MGLL: variants seen among roughly 807,000 people sequenced by gnomAD.
MGLL encodes lysophospholipase homolog.
Under a neutral mutation model 29.1 loss-of-function variants are expected in MGLL, and 7 were observed. The ratio of observed to expected loss-of-function variants is 0.24; its 90% CI spans 0.14 to 0.45. The LOEUF (loss-of-function observed/expected upper bound fraction) is 0.45. Among genes scored for constraint, MGLL ranks in the 20% least tolerant of loss-of-function variants. The pLI, the probability that MGLL is intolerant of heterozygous loss-of-function variation, is 0.99. For missense variants in MGLL, 356 were observed against 413.6 expected (o/e 0.86, Z 1.21); for synonymous variants, 148 against 168.3 (o/e 0.88, Z 0.93).
chr3:127,762,974 C>T (rs895152276), intron 3 of MGLL, among the ~76,000 whole-genome samples: 5 of 152,160 alleles, frequency 3.3e-5, no homozygotes, highest in African/African-American at 1.2e-4. Context: ...ACTCTGCCTT[C>T]CCCCCATGGC....
At chr3:127,735,619 AC>A in intron 3 of MGLL, 2 of 1,370,522 alleles carry the variant, frequency 1.5e-6, no homozygotes, top group Non-Finnish European at 2.0e-6. Flanking sequence ...AGAATGAAAC[AC>A]AAATTCCAAG....
chr3:127,714,462 A>C (rs2075777235), intron 5 of MGLL, among the ~76,000 whole-genome samples: 1 of 152,232 alleles, frequency 6.6e-6, no homozygotes, highest in Non-Finnish European at 1.5e-5. Context: ...AATGTGCCTA[A>C]GAGGACAAGC....
intron 2 of MGLL, chr3:127,791,337 T>C (rs1463557388): frequency 1.3e-5 from 2 of 152,326 alleles, no homozygotes; most frequent in Admixed American, 6.5e-5. Context: ...TTCTCACTTC[T>C]TGTTTGTCTT....
At chr3:127,813,357 C>T (rs1576321343) in intron 2 of MGLL, among the ~76,000 whole-genome samples, 2 of 152,250 alleles carry the variant, frequency 1.3e-5, no homozygotes. Context: ...TTCTGAGGTC[C>T]ATCTGCACTT....
intron 3 of MGLL, among the ~76,000 whole-genome samples, chr3:127,751,001 G>GT (rs1329609974): frequency 6.6e-6 from 1 of 152,176 alleles, no homozygotes; most frequent in East Asian, 1.9e-4. Context: ...GGGACCAGAG[G>GT]TGAGGATCAC....
At chr3:127,794,335 C>T (rs2077347886) in intron 2 of MGLL, among the ~76,000 whole-genome samples, 2 of 152,014 alleles carry the variant, frequency 1.3e-5, no homozygotes, top group Non-Finnish European at 1.5e-5. Flanking sequence ...ATCCCAGCTA[C>T]TAAGGAGGCT....
intron 3 of MGLL, among the ~76,000 whole-genome samples, chr3:127,736,575 C>T (rs1323236446): frequency 2.0e-5 from 3 of 152,234 alleles, no homozygotes; most frequent in Non-Finnish European, 4.4e-5. Flanking sequence ...AATTTGAATT[C>T]AGCTAAGATG....
chr3:127,721,466 C>A (rs1286915045), intron 4 of MGLL, among the ~76,000 whole-genome samples: 1 of 143,178 alleles, frequency 7.0e-6, no homozygotes, highest in African/African-American at 2.6e-5. Flanking sequence ...CCAAAGCTGG[C>A]AAAACCCCAA....
chr3:127,718,814 T>C (rs954135871), intron 5 of MGLL, among the ~76,000 whole-genome samples: 1 of 151,716 alleles, frequency 6.6e-6, no homozygotes, highest in African/African-American at 2.4e-5. Context: ...TTTTGAACCA[T>C]AGAAATGTCT....
chr3:127,740,906 C>T (rs529379735), intron 3 of MGLL, among the ~76,000 whole-genome samples: 2 of 152,304 alleles, frequency 1.3e-5, no homozygotes, highest in South Asian at 2.1e-4. Flanking sequence ...AGTAGAACGC[C>T]CCCAAAGCAG....
chr3:127,746,812 A>G (rs1156982769), intron 3 of MGLL, among the ~76,000 whole-genome samples: 6 of 151,740 alleles, frequency 4.0e-5, no homozygotes, highest in East Asian at 2.0e-4. Context: ...CCAGCCCCCA[A>G]TCTCCCTCCA....
chr3:127,737,016 C>T (rs1022735123), intron 3 of MGLL, among the ~76,000 whole-genome samples: 5 of 152,044 alleles, frequency 3.3e-5, no homozygotes, highest in African/African-American at 9.7e-5. Flanking sequence ...TAATAATAAC[C>T]CAAGCTGGGA....
At chr3:127,800,338 A>C (rs2077453801) in intron 2 of MGLL, among the ~76,000 whole-genome samples, 1 of 152,214 alleles carries the variant, frequency 6.6e-6, no homozygotes, top group African/African-American at 2.4e-5. Flanking sequence ...CTCAGCCTGC[A>C]CCTTAACAAA....
intron 2 of MGLL, among the ~76,000 whole-genome samples, chr3:127,807,046 A>G (rs12106944): frequency 0.012 from 1,784 of 152,208 alleles, 41 homozygotes; most frequent in African/African-American, 0.041. Context: ...ATTTTTTGGA[A>G]AGGTTTGTGA....
chr3:127,779,168 C>G (rs150373549), intron 3 of MGLL, among the ~76,000 whole-genome samples: 1,530 of 149,480 alleles, frequency 0.01, 32 homozygotes, highest in African/African-American at 0.035. Context: ...GAGTTCGAGA[C>G]CAGCCTGGCC....
chr3:127,736,849 C>T (rs924550646), intron 3 of MGLL, among the ~76,000 whole-genome samples: 1 of 152,190 alleles, frequency 6.6e-6, no homozygotes, highest in African/African-American at 2.4e-5. Context: ...CGCATGTCAC[C>T]ACGCCTGGCT....
chr3:127,715,574 G>T (rs184864237), intron 5 of MGLL: 1 of 420,522 alleles, frequency 2.4e-6, no homozygotes, highest in African/African-American at 2.0e-5. Flanking sequence ...GATTTCATGA[G>T]CCTAATCTCT....
chr3:127,742,478 T>G lies in MGLL; in HGVS notation c.263-19912A>C, dbSNP rs143200421. Among the ~76,000 whole-genome samples, 9 of 149,016 alleles carry G rather than the reference T, an allele frequency of 6.0e-5. No homozygotes were observed. In the East Asian group the frequency reaches 1.8e-3, roughly 30 times the overall value. On this transcript the variant is annotated intron_variant, in intron 3 of 7. Coordinates refer to ENST00000265052, the MANE Select transcript of MGLL (RefSeq NM_007283.7). ...GGTGGTGGGCACCTGTAGTCCCAGA[T>G]AGTCAGGAGGCTGAGGCAGGAGACT... is the stretch of plus-strand genomic sequence containing the variant.
intron 1 of MGLL, 199 bp from the exon 2 acceptor site, chr3:127,822,037 A>AT (rs1289095218): frequency 2.9e-6 from 2 of 681,524 alleles, no homozygotes; most frequent in African/African-American, 3.6e-5. Context: ...TCTTAAGAAA[A>AT]TGCTCACTTT....
Sources: gnomAD v4.1 joint callset for allele counts (sites outside exome capture counted in the v4.1 genomes callset) on GRCh38, gnomAD v4.1.1 for gene constraint, MANE v1.5 for transcripts, NCBI Gene and HGNC (gene_info 2026-07-23, HGNC 2026-07-21) for gene names.